The following NTRK2 variants were observed in gnomAD, a reference collection of about 807,000 sequenced individuals.
NTRK2 encodes BDNF/NT-3 growth factors receptor.
Under a neutral mutation model 94.5 loss-of-function variants are expected in NTRK2, and 13 were observed. The observed-to-expected ratio is 0.14, with a 90% confidence interval of 0.09 to 0.22. The LOEUF is 0.22. Among genes scored for constraint, NTRK2 ranks in the 10% least tolerant of loss-of-function variants. The pLI is 1.00. For synonymous variants in NTRK2, 372 were observed against 407.4 expected (o/e 0.91, Z 1.05); for missense variants, 639 against 1,071.2 (o/e 0.60, Z 5.63).
At chr9:84,679,896 C>T (rs1292919829) in intron 2 of NTRK2, among the ~76,000 whole-genome samples, 1 of 152,134 alleles carries the variant, frequency 6.6e-6, no homozygotes, top group Non-Finnish European at 1.5e-5. Flanking sequence ...TGGTTTCCCA[C>T]CAATAGAAAC....
intron 14 of NTRK2, among the ~76,000 whole-genome samples, chr9:84,871,325 C>T (rs1297127228): frequency 6.6e-6 from 1 of 152,124 alleles, no homozygotes; most frequent in Non-Finnish European, 1.5e-5. Context: ...CCAGAGAAAA[C>T]AGGTGTTTAT....
chr9:84,920,962 T>C (rs1459616173), intron 14 of NTRK2, among the ~76,000 whole-genome samples: 1 of 152,226 alleles, frequency 6.6e-6, no homozygotes, highest in Non-Finnish European at 1.5e-5. Context: ...TTTGATGCCA[T>C]TTTAATACTT....
At chr9:84,977,076 C>T (rs2097338835) in intron 17 of NTRK2, among the ~76,000 whole-genome samples, 1 of 152,146 alleles carries the variant, frequency 6.6e-6, no homozygotes, top group South Asian at 2.1e-4. Flanking sequence ...ATCACTGCTC[C>T]AAGGGGAAAT....
At chr9:84,968,641 T>A (rs1825840481) in intron 17 of NTRK2, among the ~76,000 whole-genome samples, 1 of 152,198 alleles carries the variant, frequency 6.6e-6, no homozygotes, top group South Asian at 2.1e-4. Context: ...TCAATATGTG[T>A]ACAGTGTGTG....
At chr9:84,873,420 G>A (rs1219881375) in intron 14 of NTRK2, 7 of 1,058,690 alleles carry the variant, frequency 6.6e-6, no homozygotes, top group South Asian at 4.6e-5. Context: ...CTGGGTTGAC[G>A]ACTCATCTCG....
chr9:84,810,676 G>A lies in NTRK2; in HGVS notation c.1397-50364G>A, dbSNP rs201221612. 53 of 1,601,964 alleles carry A rather than the reference G, an allele frequency of 3.3e-5. No individual in the cohort carries two copies. In the East Asian group the frequency reaches 6.1e-4, roughly 18 times the overall value. Reference sequence around the variant, plus strand: ...CCTGGGACTGCTGTTGGCTTATCCCGGGAAGTGCTGCTTATCTGGGGTTTT... The same window carrying A: ...CCTGGGACTGCTGTTGGCTTATCCCAGGAAGTGCTGCTTATCTGGGGTTTT... On this transcript the variant is annotated intron_variant, in intron 12 of 18. Coordinates refer to ENST00000277120, the MANE Select transcript of NTRK2 (RefSeq NM_006180.6).
In NTRK2 at chr9:84,875,105, T is replaced by TG. The variant is rs2076014834; in HGVS notation, c.1633+7674_1633+7675insG. The TG allele has an allele frequency of 1.3e-5, 14 of 1,060,282 alleles. No homozygotes were observed. The South Asian group carries it at 5.9e-4, about 45-fold the overall frequency. The allele number at this position is 1,060,282 out of a possible 1,614,324, so 65.7% of individuals were successfully genotyped here. ...ACTGATATCGTTTGGATATATGGCT[T>TG]TCTAGTCTTGTGGATATCCTTTTAA... On this transcript the variant is annotated intron_variant, in intron 14 of 18. Transcript: ENST00000277120.
chr9:84,998,601 C>G (rs750710660), intron 17 of NTRK2, among the ~76,000 whole-genome samples: 15 of 152,174 alleles, frequency 9.9e-5, no homozygotes, highest in Non-Finnish European at 1.9e-4. Flanking sequence ...CTGCTTATCA[C>G]CCAGTTGAAT....
At chr9:84,855,761 G>C (rs1406131955) in intron 12 of NTRK2, among the ~76,000 whole-genome samples, 1 of 152,114 alleles carries the variant, frequency 6.6e-6, no homozygotes, top group Admixed American at 6.5e-5. Context: ...ATTCTACTCT[G>C]TCTACGCCCA....
intron 14 of NTRK2, among the ~76,000 whole-genome samples, chr9:84,880,921 A>C (rs2076236031): frequency 6.6e-6 from 1 of 152,254 alleles, no homozygotes; most frequent in East Asian, 1.9e-4. Context: ...TTCAAAGTCC[A>C]TTGTGACAAG....
At chr9:84,998,809 T>C (rs1257754361) in intron 17 of NTRK2, among the ~76,000 whole-genome samples, 1 of 152,220 alleles carries the variant, frequency 6.6e-6, no homozygotes, top group African/African-American at 2.4e-5. Context: ...AAGGACCTCA[T>C]TTACACATGA....
At chr9:84,711,259 G>C (rs2061403771) in intron 6 of NTRK2, among the ~76,000 whole-genome samples, 1 of 152,200 alleles carries the variant, frequency 6.6e-6, no homozygotes, top group African/African-American at 2.4e-5. Flanking sequence ...CTTACTGCCA[G>C]AGGTCTGTGT....
intron 14 of NTRK2, among the ~76,000 whole-genome samples, chr9:84,902,101 C>G (rs574345541): frequency 7.3e-5 from 11 of 151,114 alleles, no homozygotes; most frequent in Non-Finnish European, 1.6e-4. Context: ...AAGGTTGAGG[C>G]AGGAGAATTG....
rs984595695 is a variant in NTRK2 at position 84,961,137 on chromosome 9, C to T, written c.2172+5620C>T. ...GATTACCATAATAAGAAAATTTCCT[C>T]CTGTAAACTATGTCTAGAACCTTTG... On this transcript the variant is annotated intron_variant, in intron 17 of 18. Transcript: ENST00000277120. Among the ~76,000 whole-genome samples the T allele has an allele frequency of 2.6e-5, 4 of 152,314 alleles. No individual in the cohort carries two copies. In the East Asian group the frequency reaches 5.8e-4, roughly 22 times the overall value.
At chr9:84,845,848 T>TA (rs990438574) in intron 12 of NTRK2, among the ~76,000 whole-genome samples, 4 of 150,406 alleles carry the variant, frequency 2.7e-5, no homozygotes, top group Admixed American at 2.0e-4. Context: ...ATGGGTGCAC[T>TA]AAAATCTCGG....
At chr9:84,851,871 A>T (rs185385529) in intron 12 of NTRK2, among the ~76,000 whole-genome samples, 8 of 152,360 alleles carry the variant, frequency 5.3e-5, no homozygotes, top group African/African-American at 1.9e-4. Context: ...GAAGGACTAA[A>T]AAAAGAATTT....
intron 12 of NTRK2, among the ~76,000 whole-genome samples, chr9:84,801,640 G>A (rs139257990): frequency 1.4e-3 from 206 of 152,320 alleles, no homozygotes; most frequent in African/African-American, 4.8e-3. Context: ...AAGTGTCTGA[G>A]CAGTTTTAAG....
In NTRK2 at chr9:84,952,674, G is replaced by A. The variant is rs74792502; in HGVS notation, c.1938-2609G>A. Among the ~76,000 whole-genome samples the A allele has an allele frequency of 4.1e-4, 63 of 152,274 alleles. 1 individual carries two copies. The South Asian group carries it at 0.012, about 28-fold the overall frequency. ...AGAGGCTTATTTTATTTAAAGAGCC[G>A]TGTTCAGAAAGTTGAACAGCAAATA... On this transcript the variant is annotated intron_variant, in intron 16 of 18. Transcript: ENST00000277120.
At chr9:84,729,380 C>T (rs1189745438) in intron 9 of NTRK2, among the ~76,000 whole-genome samples, 1 of 152,174 alleles carries the variant, frequency 6.6e-6, no homozygotes, top group South Asian at 2.1e-4. Context: ...TTAAATCTTC[C>T]TCTTAATTGA....
Sources: gnomAD v4.1 joint callset for allele counts (sites outside exome capture counted in the v4.1 genomes callset) on GRCh38, gnomAD v4.1.1 for gene constraint, MANE v1.5 for transcripts, NCBI Gene and HGNC (gene_info 2026-07-23, HGNC 2026-07-21) for gene names.